USP21: variants seen among roughly 807,000 people sequenced by gnomAD.
USP21 encodes the protein ubiquitin carboxyl-terminal hydrolase 21.
In USP21, 37 loss-of-function variants were observed where a neutral mutation model predicts 70.8. That is an observed-to-expected ratio of 0.52 (90% CI 0.40 to 0.69). USP21 has a LOEUF of 0.69. Among genes scored for constraint, USP21 ranks in the 30% least tolerant of loss-of-function variants. The pLI is 0.00. For synonymous variants in USP21, 263 were observed against 283.1 expected (o/e 0.93, Z 0.71); for missense variants, 584 against 740.8 (o/e 0.79, Z 2.46).
rs1188787295 is a variant in USP21 at position 161,164,158 on chromosome 1, C to G, written c.1219-6C>G. ...CATGTTGACCTTTCTTCCCCTTTTC[C>G]CCCAGAAAGGATTTGCTGGGGGCAA... On this transcript the variant is annotated splice_region_variant and splice_polypyrimidine_tract_variant and intron_variant, in intron 9 of 13. Coordinates refer to ENST00000368002, the MANE Select transcript of USP21 (RefSeq NM_001014443.3). The surrounding 1 kb of genome is among the most constrained non-coding windows in gnomAD (Gnocchi z 4.2). The G allele has an allele frequency of 6.2e-7, 1 of 1,613,806 alleles. No homozygotes were observed. The highest frequency in any genetic ancestry group is 8.5e-7 in the Non-Finnish European group (1 of 1,179,846).
chr1:161,159,948 AGTTGTTC>A, intron 1 of USP21, among the ~76,000 whole-genome samples: 1 of 152,156 alleles, frequency 6.6e-6, no homozygotes, highest in South Asian at 2.1e-4. Flanking sequence ...AGGGTCAAGG[AGTTGTTC>A]GTCCTCCATC....
Position 161,163,034 on chromosome 1 carries a change from C to T in USP21, c.1009C>T (p.Pro337Ser), listed in dbSNP as rs760947213. The change falls in exon 7 of 14, where the codon CCC becomes TCC. Residue 337 changes from proline to serine, a missense_variant. Transcript: ENST00000368002. ...TGCCAATGGTCCAGTTCCCTCTCCA[C>T]CCCGCCGAGGAGGGGCTCTGCTAGA... ...ILANGPVPSP[P>S]RRGGALLEEP... The T allele has an allele frequency of 1.2e-6, 2 of 1,612,682 alleles. No homozygotes were observed. Among genetic ancestry groups the T allele is most frequent in the Non-Finnish European group, 1.7e-6 (2 of 1,179,552 alleles).
Position 161,162,638 on chromosome 1 carries a change from C to T in USP21, c.805C>T (p.Leu269Phe). Residue 269 changes from leucine (L) to phenylalanine (F), a missense_variant, in exon 6 of 14, where the codon CTC becomes TTC. Coordinates refer to ENST00000368002, the MANE Select transcript of USP21 (RefSeq NM_001014443.3). This position sits in a 1 kb window ranked among gnomAD's most constrained non-coding sequence, Gnocchi z 4.1. ...AGCCTTTGCAGATGTGATTGGTGCC[C>T]TCTGGCACCCTGACTCCTGCGAAGC... ...TEAFADVIGA[L>F]WHPDSCEAVN... The T allele has an allele frequency of 1.2e-6, 2 of 1,613,364 alleles. No individual in the cohort carries two copies. The highest frequency in any genetic ancestry group is 8.5e-7 in the Non-Finnish European group (1 of 1,179,278).
In USP21 at chr1:161,162,839, G is replaced by A; in HGVS notation, c.894-80G>A. ...TTGAGATGTTCTTCATCCAGGAAGT[G>A]GGGACCAATATCTGGGCAGGGAATA... On this transcript the variant is annotated intron_variant, in intron 6 of 13. Coordinates refer to ENST00000368002, the MANE Select transcript of USP21 (RefSeq NM_001014443.3). The surrounding 1 kb of genome is among the most constrained non-coding windows in gnomAD (Gnocchi z 4.1). The A allele has an allele frequency of 1.3e-6, 2 of 1,587,264 alleles. No individual in the cohort carries two copies. Among genetic ancestry groups the A allele is most frequent in the Non-Finnish European group, 1.7e-6 (2 of 1,158,896 alleles).
In USP21 at chr1:161,160,503, G is replaced by A; in HGVS notation, c.-25G>A. 2.8e-6 allele frequency: 3 copies of A among 1,073,560 alleles called. No individual in the cohort carries two copies. Among genetic ancestry groups the A allele is most frequent in the Middle Eastern group, 4.3e-4 (2 of 4,684 alleles). 66.5% of individuals were successfully genotyped at this position (1,073,560 alleles called of 1,614,324 possible). A position where few individuals can be genotyped will look rare whatever the true frequency, so the allele number is the denominator to read the frequency against. ...GTGGAAATGAGAGGACAGCAAGATT[G>A]TGGGTATGGAATGGGGCAAAGCAAT... On this transcript the variant is annotated 5_prime_UTR_variant, in exon 2 of 14. It adds an upstream start codon to the 5' untranslated region. Coordinates refer to ENST00000368002, the MANE Select transcript of USP21 (RefSeq NM_001014443.3).
Position 161,164,964 on chromosome 1 carries a change from C to T in USP21, c.1492+22C>T. On this transcript the variant is annotated intron_variant, in intron 12 of 13. Transcript: ENST00000368002. This position sits in a 1 kb window ranked among gnomAD's most constrained non-coding sequence, Gnocchi z 4.2. The stretch of plus-strand genomic sequence containing the variant: ...GCCGGTGAGTCTGGTGGGGAAAGTC[C>T]TAAGGAGCCAAAGGAGTGGGGGCAC... The T allele has an allele frequency of 1.2e-6, 2 of 1,613,600 alleles. No homozygotes were observed. The highest frequency in any genetic ancestry group is 1.7e-6 in the Non-Finnish European group (2 of 1,179,618).
In USP21 at chr1:161,162,807, C is replaced by G; in HGVS notation, c.893+81C>G. On this transcript the variant is annotated intron_variant, in intron 6 of 13. Coordinates refer to ENST00000368002, the MANE Select transcript of USP21 (RefSeq NM_001014443.3). The surrounding 1 kb of genome is among the most constrained non-coding windows in gnomAD (Gnocchi z 4.1). ...AAGCAAGGGCCCTGGCAGCATTGTT[C>G]TGAGCCTTGAGATGTTCTTCATCCA... is the stretch of plus-strand genomic sequence containing the variant. 1 of 1,579,228 alleles carries G rather than the reference C, an allele frequency of 6.3e-7. No individual in the cohort carries two copies. Among genetic ancestry groups the G allele is most frequent in the Non-Finnish European group, 8.7e-7 (1 of 1,149,586 alleles).
rs778995626 is a variant in USP21, at chr1:161,160,863, G to C, written c.223G>C (p.Gly75Arg). 1.1e-5 allele frequency: 17 copies of C among 1,614,120 alleles called. No homozygotes were observed. The highest frequency in any genetic ancestry group is 1.7e-5 in the Admixed American group (1 of 60,014). The change falls in exon 3 of 14, where the codon GGC becomes CGC. Residue 75 changes from glycine (G) to arginine (R), a missense_variant. Physicochemically the swap from Gly to Arg is moderately radical, Grantham distance 125. Coordinates refer to ENST00000368002, the MANE Select transcript of USP21 (RefSeq NM_001014443.3). ...KLELGRGRTSGPRPRGPLRAD... is the reference protein window; with the variant it reads ...KLELGRGRTSRPRPRGPLRAD... ...GGAGCTGGGACGGGGACGGACCTCA[G>C]GCCCTCGTCCCAGAGGCCCCCTTCG...
In USP21 at chr1:161,160,767, T is replaced by C. The variant is rs554785282; in HGVS notation, c.127T>C (p.Ser43Pro). ...CAGCAAGGAGCGCAGAAACCCAGCC[T>C]CTGGGCCAAACCCCATGTTACGACC... Reference protein sequence around the residue: ...ARSKERRNPASGPNPMLRPLP... With the variant: ...ARSKERRNPAPGPNPMLRPLP... Residue 43 changes from serine to proline, a missense_variant, in exon 3 of 14, where the codon TCT becomes CCT. Coordinates refer to ENST00000368002, the MANE Select transcript of USP21 (RefSeq NM_001014443.3). 6.2e-7 allele frequency: 1 copy of C among 1,614,178 alleles called. No individual in the cohort carries two copies. Among genetic ancestry groups the C allele is most frequent in the Admixed American group, 1.7e-5 (1 of 60,030 alleles).
At chr1:161,165,175 C>T (rs1419906756) in intron 13 of USP21, 32 bp downstream of exon 13, 2 of 1,588,122 alleles carry the variant, frequency 1.3e-6, no homozygotes, top group Admixed American at 3.4e-5. Context: ...CATCCTGCCC[C>T]ATTCCCACTC....
In USP21 at chr1:161,164,132, A is replaced by G; in HGVS notation, c.1219-32A>G. On this transcript the variant is annotated intron_variant, in intron 9 of 13. Transcript: ENST00000368002. This position sits in a 1 kb window ranked among gnomAD's most constrained non-coding sequence, Gnocchi z 4.2. ...GAAGAGTTGGAAAAGGAAATTCAGA[A>G]CATGTTGACCTTTCTTCCCCTTTTC... The G allele has an allele frequency of 6.2e-7, 1 of 1,608,732 alleles. No individual in the cohort carries two copies. The highest frequency in any genetic ancestry group is 1.1e-5 in the South Asian group (1 of 90,950).
rs567878891 is a variant in USP21, at chr1:161,165,573, T to G, written c.*126T>G. The G allele has an allele frequency of 1.6e-5, 10 of 618,012 alleles. No individual in the cohort carries two copies. Among genetic ancestry groups the G allele is most frequent in the Non-Finnish European group, 2.3e-5 (8 of 355,510 alleles). The allele number at this position is 618,012 out of a possible 1,614,324, so 38.3% of individuals were successfully genotyped here. ...GGAGGGGGGAGGGGGTGGTTGTAGCTCCATTATTTTTTTTATTAAAAAATA... is the reference window on the plus strand; with the variant it reads ...GGAGGGGGGAGGGGGTGGTTGTAGCGCCATTATTTTTTTTATTAAAAAATA... On this transcript the variant is annotated 3_prime_UTR_variant, in exon 14 of 14. Transcript: ENST00000368002.
At position 161,164,041 on chromosome 1, in the gene USP21, C is replaced by T; in HGVS notation, c.1218+60C>T. 5.0e-6 allele frequency: 8 copies of T among 1,590,976 alleles called. No homozygotes were observed. The highest frequency in any genetic ancestry group is 6.9e-6 in the Non-Finnish European group (8 of 1,159,250). On this transcript the variant is annotated intron_variant, in intron 9 of 13. Coordinates refer to ENST00000368002, the MANE Select transcript of USP21 (RefSeq NM_001014443.3). The surrounding 1 kb of genome is among the most constrained non-coding windows in gnomAD (Gnocchi z 4.2). ...AGGGGCTCTGTGACCCAAGCCTACC[C>T]ACCCCCAGAGTGTGGGCGGGAACCC...
In USP21 at chr1:161,164,175, T is replaced by C. The variant is rs150282425; in HGVS notation, c.1230T>C (p.Ala410=). Residue 410 remains alanine (A), a synonymous_variant, in exon 10 of 14, where the codon GCT becomes GCC. Coordinates refer to ENST00000368002, the MANE Select transcript of USP21 (RefSeq NM_001014443.3). The surrounding 1 kb of genome is among the most constrained non-coding windows in gnomAD (Gnocchi z 4.2). ...CCCTTTTCCCCCAGAAAGGATTTGC[T>C]GGGGGCAAGGTGTCTCTGCGGGATT... The part of the protein sequence containing the change: ...LSLPIPKKGF[A]GGKVSLRDCF... 3 of 1,614,058 alleles carry C rather than the reference T, an allele frequency of 1.9e-6. No homozygotes were observed. Among genetic ancestry groups the C allele is most frequent in the African/African-American group, 2.7e-5 (2 of 74,918 alleles).
intron 7 of USP21, 90 bp downstream of exon 7, chr1:161,163,164 A>T: frequency 6.9e-7 from 1 of 1,441,660 alleles, no homozygotes; most frequent in Non-Finnish European, 9.4e-7. Flanking sequence ...TTGAAGATGT[A>T]GGGTCCAGGG....
Position 161,160,808 on chromosome 1 carries a change from A to C in USP21, c.168A>C (p.Pro56=). 2 of 1,614,178 alleles carry C rather than the reference A, an allele frequency of 1.2e-6. No individual in the cohort carries two copies. The highest frequency in any genetic ancestry group is 8.5e-7 in the Non-Finnish European group (1 of 1,180,036). Residue 56 remains proline (P), a synonymous_variant, in exon 3 of 14, where the codon CCA becomes CCC. Transcript: ENST00000368002. ...NPMLRPLPPR[P]GLPDERLKKL... is the part of the protein sequence containing the mutation. ...TGTTACGACCTCTGCCTCCCCGGCC[A>C]GGTCTGCCTGATGAACGGCTCAAGA...
At chr1:161,163,706 A>G in intron 8 of USP21, 87 bp downstream of exon 8, 1 of 1,446,912 alleles carries the variant, frequency 6.9e-7, no homozygotes, top group Non-Finnish European at 9.7e-7. Flanking sequence ...ATCAAGGGGT[A>G]TGGGAACAAG....
chr1:161,162,597 C>T lies in USP21; in HGVS notation c.782-18C>T, dbSNP rs766593003. On this transcript the variant is annotated intron_variant, in intron 5 of 13. Coordinates refer to ENST00000368002, the MANE Select transcript of USP21 (RefSeq NM_001014443.3). The surrounding 1 kb of genome is among the most constrained non-coding windows in gnomAD (Gnocchi z 4.1). ...AGACATTAACCTTTGTTTGCCTTCC[C>T]CACTCCCATCCCAACAGCCTTTGCA... is the stretch of plus-strand genomic sequence containing the variant. 1.3e-6 allele frequency: 2 copies of T among 1,594,350 alleles called. No homozygotes were observed. The highest frequency in any genetic ancestry group is 1.3e-5 in the African/African-American group (1 of 74,514).
At position 161,163,046 on chromosome 1, in the gene USP21, G is replaced by C. The variant is rs199576715; in HGVS notation, c.1021G>C (p.Gly341Arg). The C allele has an allele frequency of 6.8e-6, 11 of 1,610,766 alleles. No homozygotes were observed. Among genetic ancestry groups the C allele is most frequent in the African/African-American group, 6.7e-5 (5 of 74,586 alleles). The change falls in exon 7 of 14, where the codon GGG (glycine) becomes CGG (arginine). Residue 341 changes from glycine (G) to arginine (R), a missense_variant. By Grantham distance (125) the Gly-to-Arg change is moderately radical. This residue lies in a region of USP21 where 40 missense variants were observed against 29.3 expected (regional missense o/e 1.37). Transcript: ENST00000368002. ...GPVPSPPRRG[G>R]ALLEEPELSD... ...AGTTCCCTCTCCACCCCGCCGAGGA[G>C]GGGCTCTGCTAGAAGAACCTGAGTT...
Sources: allele counts gnomAD v4.1 joint callset (sites outside exome capture counted in the v4.1 genomes callset), GRCh38; gene constraint gnomAD v4.1.1; regional missense constraint gnomAD v4.1.1; non-coding constraint Gnocchi (gnomAD v3.1); transcripts MANE v1.5; gene names NCBI Gene and HGNC (gene_info 2026-07-23, HGNC 2026-07-21).